Variants in BBS7 observed in about 807,000 individuals in gnomAD.
BBS7 encodes the protein BBSome complex member BBS7.
In BBS7, 50 loss-of-function variants were observed where a neutral mutation model predicts 90.3. That is an observed-to-expected ratio of 0.55 (90% CI 0.44 to 0.70). The LOEUF (loss-of-function observed/expected upper bound fraction) is 0.70. Ranked by LOEUF, BBS7 falls within the 30% of genes least tolerant of loss-of-function variation. BBS7 has a pLI of 0.00. For missense variants in BBS7, 729 were observed against 838.9 expected (o/e 0.87, Z 1.62); for synonymous variants, 235 against 287.4 (o/e 0.82, Z 1.85).
chr4:121,850,115 TTTTA>T (rs1560655684), intron 8 of BBS7, among the ~76,000 whole-genome samples: 7 of 152,040 alleles, frequency 4.6e-5, no homozygotes. Context: ...CTGTATTTTT[TTTTA>T]TTTATTTATT....
chr4:121,833,150 A>G (rs1025145349), intron 15 of BBS7, 81 bp downstream of exon 15: 4 of 1,363,020 alleles, frequency 2.9e-6, no homozygotes, highest in Non-Finnish European at 4.2e-6. Flanking sequence ...TTACTCACAA[A>G]TAACTCCTAA....
At chr4:121,861,428 A>G (rs1180839258) in intron 4 of BBS7, 76 bp downstream of exon 4, 6 of 1,348,116 alleles carry the variant, frequency 4.5e-6, no homozygotes, top group African/African-American at 1.5e-5. Flanking sequence ...TTAAGATATG[A>G]TACTTAGTTG....
intron 1 of BBS7, among the ~76,000 whole-genome samples, chr4:121,868,684 C>CAAAAAAAAAAAAAAAAAAGAAAAAAAAA (rs1727416544): frequency 2.0e-5 from 1 of 49,684 alleles, no homozygotes; most frequent in African/African-American, 9.0e-5. Flanking sequence ...GACCCTGTTT[C>CAAAAAAAAAAAAAAAAAAGAAAAAAAAA]AAAAAAAAAA....
At position 121,833,221 on chromosome 4, in the gene BBS7, T is replaced by C. The variant is rs767020583; in HGVS notation, c.1676+10A>G. On this transcript the variant is annotated intron_variant, in intron 15 of 18. Transcript: ENST00000264499. The stretch of plus-strand genomic sequence containing the variant: ...ACAACACTTGTGAACCAGTAATAAG[T>C]TAGATTTACCTGTAGGTACTTTCAA... The C allele has an allele frequency of 1.4e-5, 22 of 1,612,998 alleles. No homozygotes were observed. Among genetic ancestry groups the C allele is most frequent in the Non-Finnish European group, 1.9e-5 (22 of 1,179,200 alleles).
intron 3 of BBS7, 150 bp from the exon 4 acceptor site, chr4:121,861,829 A>T: frequency 1.3e-6 from 1 of 759,536 alleles, no homozygotes; most frequent in Non-Finnish European, 2.1e-6. Context: ...TATATACTTC[A>T]GCAGGTCTTC....
rs990503504 is a variant in BBS7 at position 121,825,666 on chromosome 4, ACT to A, written c.*192_*193del. On this transcript the variant is annotated 3_prime_UTR_variant, in exon 19 of 19. Coordinates refer to ENST00000264499, the MANE Select transcript of BBS7 (RefSeq NM_176824.3). ...CTACTTGTGTTTTAAAAATAAAAAG[ACT>A]CTTTTAGTTTTAGAAAGTTCAATTT... 9 of 474,268 alleles carry A rather than the reference ACT, an allele frequency of 1.9e-5. No homozygotes were observed. Among genetic ancestry groups the A allele is most frequent in the African/African-American group, 1.0e-4 (5 of 50,154 alleles). 29.4% of individuals were successfully genotyped at this position (474,268 alleles called of 1,614,324 possible).
At position 121,843,961 on chromosome 4, in the gene BBS7, G is replaced by C; in HGVS notation, c.1271C>G (p.Ser424Cys). The C allele has an allele frequency of 6.2e-7, 1 of 1,602,724 alleles. No homozygotes were observed. Among genetic ancestry groups the C allele is most frequent in the South Asian group, 1.1e-5 (1 of 89,714 alleles). The change falls in exon 12 of 19, where the codon TCT becomes TGT. Residue 424 changes from serine (S) to cysteine (C), a missense_variant. Physicochemically the swap from Ser to Cys is moderately radical, Grantham distance 112 (BLOSUM62 -1). Transcript: ENST00000264499. ...PIDLLDVDKNSAVVSFSSCDS... is the reference protein window; with the variant it reads ...PIDLLDVDKNCAVVSFSSCDS... ...ACAGCTGCTAAAGCTAACAACAGCAGAATTTTTATCCACATCAAGTAAATC... is the reference window on the plus strand; with the variant it reads ...ACAGCTGCTAAAGCTAACAACAGCACAATTTTTATCCACATCAAGTAAATC...
At chr4:121,826,567 TGAAAG>T (rs1156593878) in intron 18 of BBS7, among the ~76,000 whole-genome samples, 1 of 152,198 alleles carries the variant, frequency 6.6e-6, no homozygotes, top group Non-Finnish European at 1.5e-5. Context: ...AGGAAGATAA[TGAAAG>T]GAATATACTA....
intron 15 of BBS7, among the ~76,000 whole-genome samples, chr4:121,830,256 C>A (rs1019411358): frequency 6.6e-6 from 1 of 152,186 alleles, no homozygotes; most frequent in African/African-American, 2.4e-5. Flanking sequence ...CAAAAATTAG[C>A]CAGGCGTGGT....
At chr4:121,847,602 C>T (rs562443827) in intron 9 of BBS7, 96 bp from the exon 10 acceptor site, 4 of 840,158 alleles carry the variant, frequency 4.8e-6, no homozygotes, top group South Asian at 4.1e-5. Context: ...TGTACATGCC[C>T]CTTTGTCCAC....
At chr4:121,857,217 G>A (rs935261000) in intron 5 of BBS7, among the ~76,000 whole-genome samples, 32 of 149,812 alleles carry the variant, frequency 2.1e-4, no homozygotes, top group Non-Finnish European at 3.1e-4. Flanking sequence ...TCGACCTTCT[G>A]GGCTCAAATG....
chr4:121,867,755 A>G (rs1332548473), intron 2 of BBS7, among the ~76,000 whole-genome samples: 1 of 152,178 alleles, frequency 6.6e-6, no homozygotes, highest in East Asian at 1.9e-4. Context: ...TATGGTTTTT[A>G]AGTTTGCCTA....
intron 7 of BBS7, among the ~76,000 whole-genome samples, chr4:121,853,860 A>G (rs1460508357): frequency 6.6e-6 from 1 of 151,984 alleles, no homozygotes; most frequent in African/African-American, 2.4e-5. Context: ...GCTCTACTCT[A>G]CCTCTCTGAC....
chr4:121,854,350 C>T (rs1726484859), intron 7 of BBS7, among the ~76,000 whole-genome samples: 1 of 152,128 alleles, frequency 6.6e-6, no homozygotes, highest in African/African-American at 2.4e-5. Flanking sequence ...TTCTCTGACC[C>T]ACTGCACTTC....
chr4:121,859,312 C>T (rs1007565184), intron 4 of BBS7, 134 bp from the exon 5 acceptor site: 37 of 820,542 alleles, frequency 4.5e-5, no homozygotes, highest in Admixed American at 7.4e-5. Context: ...TTAAAACTTT[C>T]TCCTAGTTAA....
chr4:121,853,600 T>C (rs73847205), intron 7 of BBS7, among the ~76,000 whole-genome samples: 12,539 of 151,940 alleles, frequency 0.083, 1,253 homozygotes, highest in African/African-American at 0.24. Context: ...AAATTGTCTA[T>C]GTTTCCAGCT....
At chr4:121,852,839 T>C (rs1318781313) in intron 8 of BBS7, 117 bp downstream of exon 8, 1 of 1,088,280 alleles carries the variant, frequency 9.2e-7, no homozygotes, top group Non-Finnish European at 1.3e-6. Context: ...AAAATAGCAA[T>C]ATTTTAAACC....
rs553444340 is a variant in BBS7 at position 121,828,523 on chromosome 4, GA to G, written c.1787-19del. 6.3e-7 allele frequency: 1 copy of G among 1,585,218 alleles called. No homozygotes were observed. The highest frequency in any genetic ancestry group is 1.1e-5 in the South Asian group (1 of 90,500). On this transcript the variant is annotated intron_variant, in intron 16 of 18. Transcript: ENST00000264499. ...ATTTATCTCTAGAAGGAGTTGACCA[GA>G]TGCAGTTAGATAAATCACTTTGATC... is the stretch of plus-strand genomic sequence containing the variant.
At chr4:121,839,738 T>G (rs376954663) in intron 12 of BBS7, 42 bp from the exon 13 acceptor site, 68 of 1,533,284 alleles carry the variant, frequency 4.4e-5, no homozygotes, top group Non-Finnish European at 6.1e-5. Flanking sequence ...GAATCCATGT[T>G]TTTAGCAACA....
Sources: gnomAD v4.1 joint callset for allele counts (sites outside exome capture counted in the v4.1 genomes callset) on GRCh38, gnomAD v4.1.1 for gene constraint, MANE v1.5 for transcripts, NCBI Gene and HGNC (gene_info 2026-07-23, HGNC 2026-07-21) for gene names.